Variants in EBF1 observed in about 807,000 individuals in gnomAD.
The protein encoded by EBF1 is EBF transcription factor 1.
EBF1 carries 10 observed loss-of-function variants against 68.4 expected under a neutral mutation model. That is an observed-to-expected ratio of 0.15 (90% CI 0.09 to 0.25). The LOEUF (loss-of-function observed/expected upper bound fraction) is 0.25, where lower values mean the gene tolerates loss of function less well. Among genes scored for constraint, EBF1 ranks in the 10% least tolerant of loss-of-function variants. EBF1 has a pLI of 1.00. For missense variants in EBF1, 509 were observed against 794.4 expected (o/e 0.64, Z 4.32); for synonymous variants, 298 against 299.8 (o/e 0.99, Z 0.06).
At chr5:159,010,862 A>G (rs529424346) in intron 6 of EBF1, among the ~76,000 whole-genome samples, 1 of 152,378 alleles carries the variant, frequency 6.6e-6, no homozygotes, top group East Asian at 1.9e-4. Context: ...AACAATACCA[A>G]GGGGAAATCA....
chr5:158,909,666 C>T (rs561394831), intron 6 of EBF1, among the ~76,000 whole-genome samples: 5 of 152,098 alleles, frequency 3.3e-5, no homozygotes, highest in East Asian at 3.9e-4. Flanking sequence ...AGGCCGGGTG[C>T]GGTGGCTGAC....
At chr5:158,895,855 C>T (rs1220086405) in intron 6 of EBF1, among the ~76,000 whole-genome samples, 1 of 152,188 alleles carries the variant, frequency 6.6e-6, no homozygotes, top group Non-Finnish European at 1.5e-5. Context: ...AAATAAAACT[C>T]CTGAGATCAG....
intron 6 of EBF1, among the ~76,000 whole-genome samples, chr5:159,059,393 AT>A (rs1775381602): frequency 6.6e-6 from 1 of 152,194 alleles, no homozygotes. Flanking sequence ...TTCACGAGTA[AT>A]GTTGAGTGCA....
At chr5:158,759,327 AT>A (rs573392327) in intron 10 of EBF1, among the ~76,000 whole-genome samples, 3 of 152,070 alleles carry the variant, frequency 2.0e-5, no homozygotes, top group East Asian at 3.9e-4. Context: ...CCATGGACCT[AT>A]TTTTTTAGAG....
intron 7 of EBF1, among the ~76,000 whole-genome samples, chr5:158,839,404 G>T (rs554118116): frequency 6.6e-6 from 1 of 152,048 alleles, no homozygotes; most frequent in African/African-American, 2.4e-5. Context: ...TTTTGGTGGG[G>T]GGTATAGGAT....
intron 6 of EBF1, among the ~76,000 whole-genome samples, chr5:158,988,402 T>C (rs951381240): frequency 6.6e-6 from 1 of 152,190 alleles, no homozygotes; most frequent in African/African-American, 2.4e-5. Flanking sequence ...TCCAGGCCTC[T>C]GCCAGGCAGC....
At chr5:158,900,160 T>C (rs111796219) in intron 6 of EBF1, among the ~76,000 whole-genome samples, 2 of 152,310 alleles carry the variant, frequency 1.3e-5, no homozygotes, top group African/African-American at 2.4e-5. Flanking sequence ...ACCAGAAGAA[T>C]TGGCACGTTC....
chr5:158,935,019 A>G (rs1335276381), intron 6 of EBF1, among the ~76,000 whole-genome samples: 1 of 152,258 alleles, frequency 6.6e-6, no homozygotes, highest in Non-Finnish European at 1.5e-5. Flanking sequence ...CTGGCTCCAG[A>G]GCCTAAGATG....
intron 6 of EBF1, among the ~76,000 whole-genome samples, chr5:158,879,045 A>AC (rs940024108): frequency 2.6e-5 from 4 of 151,970 alleles, no homozygotes; most frequent in Admixed American, 6.6e-5. Context: ...AACTCCCAGG[A>AC]TTTTTTTTCT....
rs559735416 is a variant in EBF1 at position 159,091,100 on chromosome 5, C to A, written c.411+4520G>T. Among the ~76,000 whole-genome samples, 3 of 152,320 alleles carry A rather than the reference C, an allele frequency of 2.0e-5. No homozygotes were observed. The East Asian group carries it at 5.8e-4, about 29-fold the overall frequency. ...AGACAGAGAGAACAGACTATCTGTA[C>A]AGTCATATGAGTTCAATAAATGCAT... On this transcript the variant is annotated intron_variant, in intron 4 of 15. Coordinates refer to ENST00000313708, the MANE Select transcript of EBF1 (RefSeq NM_024007.5).
At chr5:158,934,769 G>A (rs80027231) in intron 6 of EBF1, among the ~76,000 whole-genome samples, 24 of 152,190 alleles carry the variant, frequency 1.6e-4, no homozygotes, top group African/African-American at 5.5e-4. Flanking sequence ...TATGTAAAAC[G>A]TTTAGCACAG....
chr5:159,051,313 T>C (rs2127818044), intron 6 of EBF1, among the ~76,000 whole-genome samples: 2 of 151,880 alleles, frequency 1.3e-5, no homozygotes, highest in Non-Finnish European at 2.9e-5. Flanking sequence ...CTTGGGCTAC[T>C]TTCTTTGCTC....
chr5:158,942,747 C>T (rs1471903783), intron 6 of EBF1, among the ~76,000 whole-genome samples: 1 of 151,702 alleles, frequency 6.6e-6, no homozygotes, highest in Non-Finnish European at 1.5e-5. Context: ...GAGTGGCCAT[C>T]TAGAAAGGCT....
chr5:158,933,427 C>T (rs1000673529), intron 6 of EBF1, among the ~76,000 whole-genome samples: 4 of 152,318 alleles, frequency 2.6e-5, no homozygotes, highest in East Asian at 3.9e-4. Flanking sequence ...GTATGCTTAA[C>T]ATTTTCCCAA....
intron 6 of EBF1, among the ~76,000 whole-genome samples, chr5:158,923,209 T>C (rs1808824405): frequency 3.3e-5 from 5 of 152,222 alleles, no homozygotes; most frequent in Admixed American, 3.3e-4. Context: ...AGGTGATAAG[T>C]AACACCCTTC....
At chr5:159,053,605 T>TCTCACACA (rs750232925) in intron 6 of EBF1, among the ~76,000 whole-genome samples, 15 of 146,416 alleles carry the variant, frequency 1.0e-4, no homozygotes, top group African/African-American at 3.8e-4. Flanking sequence ...TCTCTCTCTC[T>TCTCACACA]CACACACACA....
At chr5:159,099,213 C>T (rs1415403344) in intron 1 of EBF1, 132 bp downstream of exon 1, 2 of 620,216 alleles carry the variant, frequency 3.2e-6, no homozygotes, top group African/African-American at 1.9e-5. Flanking sequence ...CGGCGGAGAG[C>T]GGAGCGCAGC....
chr5:158,717,943 G>A (rs1045707823), intron 11 of EBF1, among the ~76,000 whole-genome samples: 3 of 152,154 alleles, frequency 2.0e-5, no homozygotes, highest in Non-Finnish European at 4.4e-5. Flanking sequence ...AAATGTGGAT[G>A]CATTATTCTT....
chr5:158,869,538 G>A (rs1190926593), intron 6 of EBF1, among the ~76,000 whole-genome samples: 2 of 150,862 alleles, frequency 1.3e-5, no homozygotes, highest in Non-Finnish European at 2.9e-5. Flanking sequence ...TATATTAGTA[G>A]TGTTCTCTTT....
Sources: gnomAD v4.1 joint callset for allele counts (sites outside exome capture counted in the v4.1 genomes callset) on GRCh38, gnomAD v4.1.1 for gene constraint, MANE v1.5 for transcripts, NCBI Gene and HGNC (gene_info 2026-07-23, HGNC 2026-07-21) for gene names.